The following PRAME variants were observed in gnomAD, a reference collection of about 807,000 sequenced individuals.
PRAME encodes the protein PRAME nuclear receptor transcriptional regulator.
In PRAME, 21 loss-of-function variants were observed where a neutral mutation model predicts 32.1. The ratio of observed to expected loss-of-function variants is 0.65; its 90% CI spans 0.46 to 0.94. The LOEUF is 0.94. Ranked by LOEUF, PRAME falls within the 40% of genes least tolerant of loss-of-function variation. The pLI, the probability that PRAME is intolerant of heterozygous loss-of-function variation, is 0.00. For missense variants in PRAME, 651 were observed against 622.3 expected (o/e 1.05, Z -0.49); for synonymous variants, 274 against 251.5 (o/e 1.09, Z -0.85).
chr22:22,551,442 C>T (rs1427996632), intron 3 of PRAME, among the ~76,000 whole-genome samples: 1 of 151,948 alleles, frequency 6.6e-6, no homozygotes, highest in Non-Finnish European at 1.5e-5. Context: ...GATGATCACT[C>T]AAAGGCAATT....
intron 3 of PRAME, chr22:22,553,682 T>C: frequency 1.8e-6 from 1 of 559,930 alleles, no homozygotes; most frequent in African/African-American, 2.1e-5. Flanking sequence ...AGAGGTGGGA[T>C]AGAGAGTAAT....
Position 22,549,947 on chromosome 22 carries a change from C to G in PRAME, c.732G>C (p.Trp244Cys). Residue 244 changes from tryptophan to cysteine, a missense_variant, in exon 5 of 6, where the codon TGG becomes TGC. Coordinates refer to ENST00000405655, the MANE Select transcript of PRAME (RefSeq NM_206956.3). ...AAAATTTCGCCAAGGTGGGTAGCTT[C>G]CAGGTACAAGTCACTTCCAAATCTT... ...SIEDLEVTCT[W>C]KLPTLAKFSP... The G allele has an allele frequency of 1.2e-5, 20 of 1,613,830 alleles. No homozygotes were observed. Among genetic ancestry groups the G allele is most frequent in the Non-Finnish European group, 1.7e-5 (20 of 1,179,964 alleles).
At chr22:22,548,697 G>T in intron 5 of PRAME, 54 bp from the exon 6 acceptor site, 1 of 1,443,362 alleles carries the variant, frequency 6.9e-7, no homozygotes, top group Non-Finnish European at 9.4e-7. Flanking sequence ...GGGGTGGGGA[G>T]ACTGGAGAGA....
chr22:22,556,562 C>T (rs141726739), intron 3 of PRAME, among the ~76,000 whole-genome samples: 274 of 152,062 alleles, frequency 1.8e-3, no homozygotes, highest in Non-Finnish European at 2.9e-3. Context: ...CCGCCCGCCT[C>T]AGCCTCCCAA....
Position 22,547,755 on chromosome 22 carries a change from G to A in PRAME, c.*312C>T, listed in dbSNP as rs555394884. 3.2e-4 allele frequency: 132 copies of A among 406,382 alleles called. No individual in the cohort carries two copies. Among genetic ancestry groups the A allele is most frequent in the Admixed American group, 5.9e-4 (14 of 23,858 alleles). The allele number at this position is 406,382 out of a possible 1,614,324, so 25.2% of individuals were successfully genotyped here. A position where few individuals can be genotyped will look rare whatever the true frequency, so the allele number is the denominator to read the frequency against. On this transcript the variant is annotated 3_prime_UTR_variant, in exon 6 of 6. Coordinates refer to ENST00000405655, the MANE Select transcript of PRAME (RefSeq NM_206956.3). ...CAGTTTCTTTACAACAGTCTACACA[G>A]GGATTAACTCCTACATGTACTTCCC...
At chr22:22,556,460 G>A (rs1394923059) in intron 3 of PRAME, among the ~76,000 whole-genome samples, 1 of 151,588 alleles carries the variant, frequency 6.6e-6, no homozygotes, top group African/African-American at 2.4e-5. Flanking sequence ...ACAGGTGCAT[G>A]CCACCACGCC....
Position 22,548,135 on chromosome 22 carries a change from G to A in PRAME, c.1462C>T (p.Pro488Ser), listed in dbSNP as rs771639499. Residue 488 changes from proline (P) to serine (S), a missense_variant, in exon 6 of 6, where the codon CCT becomes TCT. Coordinates refer to ENST00000405655, the MANE Select transcript of PRAME (RefSeq NM_206956.3). ...SMVWLSANPC[P>S]HCGDRTFYDP... ...TAGAAGGTTCTGTCCCCACAGTGAGGACAGGGGTTGGCACTAAGCCAGACC... is the reference window on the plus strand; with the variant it reads ...TAGAAGGTTCTGTCCCCACAGTGAGAACAGGGGTTGGCACTAAGCCAGACC... 4.3e-6 allele frequency: 7 copies of A among 1,613,836 alleles called. No homozygotes were observed. The highest frequency in any genetic ancestry group is 5.1e-6 in the Non-Finnish European group (6 of 1,179,964).
rs185120829 is a variant in PRAME, at chr22:22,548,592, C to T, written c.1005G>A (p.Ser335=). ...GGGACAGATGCATCACATCCCCTTC[C>T]GAAAGCCGGCAGTTAGTTATTGAGA... ...ETLSITNCRL[S]EGDVMHLSQS... Residue 335 remains serine (S), a synonymous_variant, in exon 6 of 6, where the codon TCG becomes TCA. Transcript: ENST00000405655. 6.3e-5 allele frequency: 102 copies of T among 1,610,942 alleles called. No homozygotes were observed. The South Asian group carries it at 7.8e-4, about 12-fold the overall frequency.
chr22:22,553,021 T>TA (rs1483187017), intron 3 of PRAME: 7 of 453,302 alleles, frequency 1.5e-5, no homozygotes, highest in Non-Finnish European at 2.8e-5. Flanking sequence ...TGGGGTTTTT[T>TA]ACTTACTTCA....
At chr22:22,551,191 C>T (rs1234255215) in intron 3 of PRAME, 102 bp from the exon 4 acceptor site, 2 of 1,104,678 alleles carry the variant, frequency 1.8e-6, no homozygotes, top group South Asian at 3.1e-5. Context: ...GCCAAAGTCA[C>T]TGTGCTAGCA....
intron 3 of PRAME, among the ~76,000 whole-genome samples, chr22:22,555,233 C>A (rs139912592): frequency 6.6e-6 from 1 of 151,984 alleles, no homozygotes; most frequent in Non-Finnish European, 1.5e-5. Context: ...GTCATAGAAT[C>A]CCAGTGGGGA....
intron 4 of PRAME, 24 bp from the exon 5 acceptor site, chr22:22,550,358 G>A: frequency 6.2e-7 from 1 of 1,604,512 alleles, no homozygotes; most frequent in Non-Finnish European, 8.5e-7. Flanking sequence ...CAGGTAATTA[G>A]CTGAGATGAT....
At chr22:22,555,993 ATTTTT>A in intron 3 of PRAME, 43 of 333,954 alleles carry the variant, frequency 1.3e-4, no homozygotes, top group South Asian at 1.9e-4. Flanking sequence ...ATGCATTAAG[ATTTTT>A]TTTTTTTTTT....
At chr22:22,549,478 C>T (rs2062438486) in intron 5 of PRAME, among the ~76,000 whole-genome samples, 1 of 151,904 alleles carries the variant, frequency 6.6e-6, no homozygotes, top group South Asian at 2.1e-4. Context: ...GCCCCAACCT[C>T]CCATTACAGA....
intron 1 of PRAME, among the ~76,000 whole-genome samples, chr22:22,558,716 G>C (rs2147088736): frequency 6.6e-6 from 1 of 151,242 alleles, no homozygotes; most frequent in East Asian, 2.0e-4. Context: ...TGTGGGACGG[G>C]GTGTTCTGGG....
rs528816538 is a variant in PRAME at position 22,548,694 on chromosome 22, G to C, written c.954-51C>G. ...CTGGGGAATGGTGGTAGTGGGGTGG[G>C]GAGACTGGAGAGAGGCCCATTTCAC... On this transcript the variant is annotated intron_variant, in intron 5 of 5. Transcript: ENST00000405655. 2.7e-6 allele frequency: 4 copies of C among 1,456,546 alleles called. No individual in the cohort carries two copies. In the African/African-American group the frequency reaches 5.6e-5, roughly 20 times the overall value. The allele number at this position is 1,456,546 out of a possible 1,614,324, so 90.2% of individuals were successfully genotyped here.
chr22:22,553,074 G>A, intron 3 of PRAME: 1 of 375,316 alleles, frequency 2.7e-6, no homozygotes, highest in Admixed American at 3.4e-5. Context: ...AAAAAGGAAA[G>A]AAAAAGTGAA....
chr22:22,557,021 G>A, intron 2 of PRAME, 112 bp from the exon 3 acceptor site: 2 of 682,882 alleles, frequency 2.9e-6, no homozygotes, highest in South Asian at 1.8e-5. Context: ...CTGACAACTG[G>A]CGACTCAATC....
intron 4 of PRAME, among the ~76,000 whole-genome samples, 168 bp from the exon 5 acceptor site, chr22:22,550,502 G>T (rs1416803148): frequency 6.6e-6 from 1 of 151,882 alleles, no homozygotes; most frequent in Non-Finnish European, 1.5e-5. Flanking sequence ...AGGATCCTGG[G>T]ATCCTTCCTG....
Sources: gnomAD v4.1 joint callset for allele counts (sites outside exome capture counted in the v4.1 genomes callset) on GRCh38, gnomAD v4.1.1 for gene constraint, MANE v1.5 for transcripts, NCBI Gene and HGNC (gene_info 2026-07-23, HGNC 2026-07-21) for gene names.